ZMAT4: variants seen among roughly 807,000 people sequenced by gnomAD.
The protein encoded by ZMAT4 is zinc finger matrin-type 4.
A neutral mutation model predicts 28.7 loss-of-function variants in ZMAT4; 17 were observed. The observed-to-expected ratio is 0.59, with a 90% CI of 0.41 to 0.89. ZMAT4 has a LOEUF of 0.89. ZMAT4 is among the 40% of genes least tolerant of loss of function. The probability of loss-of-function intolerance (pLI) is 0.00; values close to 1 mark genes in which losing one functional copy is unlikely to be tolerated. For missense variants in ZMAT4, 240 were observed against 283.8 expected (o/e 0.85, Z 1.11); for synonymous variants, 117 against 109.2 (o/e 1.07, Z -0.44).
intron 4 of ZMAT4, among the ~76,000 whole-genome samples, chr8:40,692,257 C>T (rs1809696156): frequency 6.6e-6 from 1 of 152,114 alleles, no homozygotes; most frequent in Non-Finnish European, 1.5e-5. Context: ...ACCCTAGGGC[C>T]ACTTCAAACT....
At chr8:40,576,384 G>A (rs1804264873) in intron 6 of ZMAT4, among the ~76,000 whole-genome samples, 1 of 151,704 alleles carries the variant, frequency 6.6e-6, no homozygotes. Flanking sequence ...ACTGTCAAAA[G>A]TCAAAGACAA....
intron 1 of ZMAT4, among the ~76,000 whole-genome samples, chr8:40,868,312 C>T (rs545548163): frequency 1.3e-5 from 2 of 152,278 alleles, no homozygotes; most frequent in East Asian, 3.9e-4. Context: ...TGGAAACCTA[C>T]ATTATATAAG....
chr8:40,537,470 C>T (rs1200012770), intron 6 of ZMAT4, among the ~76,000 whole-genome samples: 1 of 152,168 alleles, frequency 6.6e-6, no homozygotes, highest in Non-Finnish European at 1.5e-5. Context: ...GAATTCAACT[C>T]TTCTGCTTCC....
chr8:40,545,386 A>G (rs975906142), intron 6 of ZMAT4, among the ~76,000 whole-genome samples: 1 of 152,188 alleles, frequency 6.6e-6, no homozygotes, highest in Non-Finnish European at 1.5e-5. Context: ...TTAAGCAACA[A>G]TTGATAACTA....
At chr8:40,622,627 A>G (rs567785492) in intron 5 of ZMAT4, among the ~76,000 whole-genome samples, 2 of 152,336 alleles carry the variant, frequency 1.3e-5, no homozygotes, top group South Asian at 2.1e-4. Context: ...TTGGCTCATC[A>G]TTCTGCAGGC....
intron 1 of ZMAT4, among the ~76,000 whole-genome samples, chr8:40,837,050 A>C (rs1289956051): frequency 6.6e-6 from 1 of 152,242 alleles, no homozygotes; most frequent in East Asian, 1.9e-4. Flanking sequence ...ACGATTTTCT[A>C]GAAATGAATC....
In ZMAT4 at chr8:40,814,457, C is replaced by T. The variant is rs190100665; in HGVS notation, c.102+11118G>A. Among the ~76,000 whole-genome samples, 336 of 152,244 alleles carry T rather than the reference C, an allele frequency of 2.2e-3. 1 individual carries two copies. The highest frequency in any genetic ancestry group is 7.8e-3 in the African/African-American group (323 of 41,550). ...CAGTCAATAACCAATCATTACAGGTCGAGATCTGAAAAGCAACTGATATGT... is the reference window on the plus strand; with the variant it reads ...CAGTCAATAACCAATCATTACAGGTTGAGATCTGAAAAGCAACTGATATGT... On this transcript the variant is annotated intron_variant, in intron 2 of 6. Transcript: ENST00000297737.
chr8:40,797,092 T>A (rs528766386), intron 2 of ZMAT4, among the ~76,000 whole-genome samples: 1 of 152,272 alleles, frequency 6.6e-6, no homozygotes, highest in East Asian at 1.9e-4. Flanking sequence ...AGCTCTGAGC[T>A]TTTGTGCCAT....
At chr8:40,697,527 C>CTCTT in intron 3 of ZMAT4, 126 bp from the exon 4 acceptor site, 7 of 1,071,238 alleles carry the variant, frequency 6.5e-6, no homozygotes, top group African/African-American at 1.6e-5. Context: ...GTCTCTCTCT[C>CTCTT]TTTTTGCCTT....
intron 1 of ZMAT4, among the ~76,000 whole-genome samples, chr8:40,868,133 G>A (rs1023631000): frequency 6.6e-6 from 1 of 152,032 alleles, no homozygotes; most frequent in African/African-American, 2.4e-5. Context: ...TATTTGTTGA[G>A]TGCAGAATGA....
At chr8:40,894,761 A>G (rs2150674331) in intron 1 of ZMAT4, among the ~76,000 whole-genome samples, 1 of 151,258 alleles carries the variant, frequency 6.6e-6, no homozygotes, top group East Asian at 1.9e-4. Flanking sequence ...CAGGAAGGGA[A>G]TTCACACATC....
intron 1 of ZMAT4, among the ~76,000 whole-genome samples, chr8:40,851,683 G>C (rs545273222): frequency 1.3e-5 from 2 of 152,114 alleles, no homozygotes; most frequent in Admixed American, 1.3e-4. Flanking sequence ...ACCAGATCAG[G>C]GTAATTACCA....
chr8:40,652,990 G>A (rs1323828198), intron 5 of ZMAT4, among the ~76,000 whole-genome samples: 6 of 151,096 alleles, frequency 4.0e-5, no homozygotes, highest in South Asian at 2.1e-4. Context: ...GTTAGATGAC[G>A]AGTTAGTGGG....
At chr8:40,777,032 G>A (rs983400471) in intron 2 of ZMAT4, among the ~76,000 whole-genome samples, 6 of 151,462 alleles carry the variant, frequency 4.0e-5, no homozygotes, top group Non-Finnish European at 7.4e-5. Flanking sequence ...TGTGTTTCCA[G>A]CTGGTTCCAT....
intron 1 of ZMAT4, among the ~76,000 whole-genome samples, chr8:40,862,807 A>G (rs1469453562): frequency 6.8e-6 from 1 of 147,950 alleles, no homozygotes; most frequent in African/African-American, 2.5e-5. Context: ...AACATCACAC[A>G]CTGGGGCCTG....
At chr8:40,756,632 T>A (rs1451475518) in intron 3 of ZMAT4, among the ~76,000 whole-genome samples, 125 of 5,990 alleles carry the variant, frequency 0.021, no homozygotes, top group African/African-American at 0.034. Context: ...TAAGTGTGTG[T>A]GTGTGTGTGT....
At chr8:40,678,264 C>T (rs769437671) in intron 4 of ZMAT4, among the ~76,000 whole-genome samples, 14 of 152,186 alleles carry the variant, frequency 9.2e-5, no homozygotes, top group Non-Finnish European at 1.0e-4. Context: ...GAAATAATTA[C>T]TTGCCTTTTT....
At chr8:40,677,877 C>T (rs1030559587) in intron 4 of ZMAT4, among the ~76,000 whole-genome samples, 2 of 151,740 alleles carry the variant, frequency 1.3e-5, no homozygotes, top group Non-Finnish European at 1.5e-5. Context: ...TTTACTTTAC[C>T]TGCCCTTTAT....
chr8:40,712,902 G>A (rs900187180), intron 3 of ZMAT4, among the ~76,000 whole-genome samples: 51 of 152,058 alleles, frequency 3.4e-4, no homozygotes, highest in African/African-American at 1.2e-3. Context: ...CAGCAATAAT[G>A]TCTTCCCATA....
Sources: gnomAD v4.1 joint callset for allele counts (sites outside exome capture counted in the v4.1 genomes callset) on GRCh38, gnomAD v4.1.1 for gene constraint, MANE v1.5 for transcripts, NCBI Gene and HGNC (gene_info 2026-07-23, HGNC 2026-07-21) for gene names.